Variants in MAPRE2 observed in about 807,000 individuals in gnomAD.
MAPRE2 encodes microtubule-associated protein RP/EB family member 2.
A neutral mutation model predicts 43.2 loss-of-function variants in MAPRE2; 13 were observed. The observed-to-expected ratio is 0.30, with a 90% confidence interval of 0.20 to 0.48. The LOEUF (loss-of-function observed/expected upper bound fraction) is 0.48. Ranked by LOEUF, MAPRE2 falls within the 20% of genes least tolerant of loss-of-function variation. The pLI is 0.99. For synonymous variants in MAPRE2, 135 were observed against 148.8 expected (o/e 0.91, Z 0.68); for missense variants, 161 against 400.2 (o/e 0.40, Z 5.10).
chr18:34,979,319 A>G (rs1307007068), intron 1 of MAPRE2, among the ~76,000 whole-genome samples: 1 of 152,220 alleles, frequency 6.6e-6, no homozygotes, highest in Non-Finnish European at 1.5e-5. Context: ...CAGCAGAAAC[A>G]TACTCCAGCA....
At position 35,141,869 on chromosome 18, in the gene MAPRE2, ATTTC is replaced by A. The variant is rs548341821; in HGVS notation, c.*1504_*1507del. The A allele has an allele frequency of 4.9e-4, 74 of 152,354 alleles. No homozygotes were observed. Among genetic ancestry groups the A allele is most frequent in the Admixed American group, 2.1e-3 (32 of 15,304 alleles). The allele number at this position is 152,354 out of a possible 1,614,324, so 9.4% of individuals were successfully genotyped here. ...GAATTATGTATCCTGAAGCTTTGAA[ATTTC>A]TTTATTAATCGATGAAATATGAATT... On this transcript the variant is annotated 3_prime_UTR_variant, in exon 7 of 7. Coordinates refer to ENST00000300249, the MANE Select transcript of MAPRE2 (RefSeq NM_014268.4).
chr18:35,039,791 TGAA>T (rs1467096658), upstream of MAPRE2, among the ~76,000 whole-genome samples: 3 of 152,218 alleles, frequency 2.0e-5, no homozygotes, highest in Non-Finnish European at 4.4e-5. Flanking sequence ...TACAGTGATG[TGAA>T]GGAGTGAGTC....
rs952224982 is a variant in MAPRE2 at position 35,041,436 on chromosome 18, G to A, written c.-104G>A. On this transcript the variant is annotated 5_prime_UTR_variant, in exon 1 of 7. Coordinates refer to ENST00000300249, the MANE Select transcript of MAPRE2 (RefSeq NM_014268.4). ...GGGAGAAGGCAGTGAGCGAGCAGGC[G>A]GCAGGCACGGTCCGTGCGGAGCAGG... 4 of 1,583,442 alleles carry A rather than the reference G, an allele frequency of 2.5e-6. No individual in the cohort carries two copies. The highest frequency in any genetic ancestry group is 1.8e-5 in the Admixed American group (1 of 57,132).
At chr18:35,027,724 CTTA>C in intron 2 of MAPRE2, among the ~76,000 whole-genome samples, 1 of 152,352 alleles carries the variant, frequency 6.6e-6, no homozygotes, top group African/African-American at 2.4e-5. Flanking sequence ...TACCACAAAA[CTTA>C]TTAACTTAAA....
intron 2 of MAPRE2, among the ~76,000 whole-genome samples, chr18:35,083,629 A>T (rs1383467894): frequency 1.3e-5 from 2 of 152,182 alleles, no homozygotes; most frequent in Non-Finnish European, 2.9e-5. Flanking sequence ...CCTCTGGAGA[A>T]GCCAAATCAT....
intron 2 of MAPRE2, among the ~76,000 whole-genome samples, chr18:35,022,465 T>C (rs1291296987): frequency 1.3e-5 from 2 of 152,188 alleles, no homozygotes; most frequent in Non-Finnish European, 2.9e-5. Context: ...GAAAAAAATA[T>C]ATATTAAGAT....
upstream of MAPRE2, among the ~76,000 whole-genome samples, chr18:35,040,509 C>T (rs2097053090): frequency 2.0e-5 from 3 of 152,208 alleles, no homozygotes; most frequent in African/African-American, 7.2e-5. Context: ...CTAGTTTACT[C>T]ATCTTTAAAA....
chr18:34,985,699 T>C (rs2097020541), intron 1 of MAPRE2, among the ~76,000 whole-genome samples: 1 of 128,166 alleles, frequency 7.8e-6, no homozygotes, highest in Admixed American at 9.5e-5. Flanking sequence ...TAATATGTGA[T>C]ATATAAATAT....
chr18:34,996,092 C>G (rs1011488780), intron 1 of MAPRE2, among the ~76,000 whole-genome samples: 1 of 152,168 alleles, frequency 6.6e-6, no homozygotes, highest in Admixed American at 6.5e-5. Flanking sequence ...AACAAATGAT[C>G]TTCAAACTCT....
intron 6 of MAPRE2, among the ~76,000 whole-genome samples, chr18:35,133,475 T>C (rs1910252808): frequency 6.6e-6 from 1 of 152,038 alleles, no homozygotes; most frequent in African/African-American, 2.4e-5. Flanking sequence ...GTGTACAGAG[T>C]GCTTGCCCTC....
chr18:35,058,321 A>C (rs1462367080), intron 1 of MAPRE2, among the ~76,000 whole-genome samples: 3 of 152,142 alleles, frequency 2.0e-5, no homozygotes, highest in Non-Finnish European at 4.4e-5. Flanking sequence ...TGTTCTCATG[A>C]GTTTAAAAAT....
chr18:35,032,232 T>C (rs1363250704), intron 2 of MAPRE2, among the ~76,000 whole-genome samples: 1 of 152,152 alleles, frequency 6.6e-6, no homozygotes, highest in East Asian at 1.9e-4. Flanking sequence ...CTTCTGTCTG[T>C]ATTTGAGGTG....
intron 2 of MAPRE2, among the ~76,000 whole-genome samples, chr18:35,033,832 A>T (rs199999618): frequency 0.029 from 4,175 of 144,232 alleles, 106 homozygotes; most frequent in East Asian, 0.16. Context: ...CTTCAAGGAG[A>T]ACTACAAACC....
chr18:35,095,401 C>T (rs974990747), intron 2 of MAPRE2, among the ~76,000 whole-genome samples: 3 of 115,442 alleles, frequency 2.6e-5, no homozygotes, highest in South Asian at 2.9e-4. Flanking sequence ...CACACACACA[C>T]GCACACACAC....
intron 1 of MAPRE2, among the ~76,000 whole-genome samples, chr18:35,063,166 C>G (rs554690618): frequency 6.6e-6 from 1 of 151,852 alleles, no homozygotes. Flanking sequence ...TGCAGTGGCG[C>G]GATCTCGGCT....
intron 4 of MAPRE2, among the ~76,000 whole-genome samples, chr18:35,119,491 T>G (rs1909574158): frequency 6.6e-6 from 1 of 152,250 alleles, no homozygotes; most frequent in Non-Finnish European, 1.5e-5. Context: ...ACAAGCATCT[T>G]GTGCGTTTCA....
At chr18:35,066,832 CCA>C (rs747088369) in intron 1 of MAPRE2, among the ~76,000 whole-genome samples, 23 of 152,160 alleles carry the variant, frequency 1.5e-4, no homozygotes, top group Non-Finnish European at 2.9e-4. Flanking sequence ...GCAAAGACAG[CCA>C]CAGAGTGAAG....
chr18:35,002,040 C>T (rs2097029636), intron 1 of MAPRE2, among the ~76,000 whole-genome samples: 1 of 152,182 alleles, frequency 6.6e-6, no homozygotes, highest in Non-Finnish European at 1.5e-5. Context: ...ACATTTCCAT[C>T]ACCACAAAAA....
intron 5 of MAPRE2, among the ~76,000 whole-genome samples, chr18:35,130,848 G>A (rs1184345011): frequency 6.6e-6 from 1 of 152,174 alleles, no homozygotes; most frequent in Non-Finnish European, 1.5e-5. Context: ...TCACAACCCC[G>A]TGAGGGTTTC....
Sources: allele counts gnomAD v4.1 joint callset (sites outside exome capture counted in the v4.1 genomes callset), GRCh38; gene constraint gnomAD v4.1.1; transcripts MANE v1.5; gene names NCBI Gene and HGNC (gene_info 2026-07-23, HGNC 2026-07-21).